PTPRN2: variants seen among roughly 807,000 people sequenced by gnomAD.
The protein encoded by PTPRN2 is protein tyrosine phosphatase receptor type N2.
PTPRN2 carries 74 observed loss-of-function variants against 118.8 expected under a neutral mutation model. The observed-to-expected ratio is 0.62, with a 90% CI of 0.52 to 0.76. The LOEUF is 0.76. Among genes scored for constraint, PTPRN2 ranks in the 30% least tolerant of loss-of-function variants. The probability of loss-of-function intolerance (pLI) is 0.00; values close to 1 mark genes in which losing one functional copy is unlikely to be tolerated. For synonymous variants in PTPRN2, 641 were observed against 608.0 expected (o/e 1.05, Z -0.80); for missense variants, 1,481 against 1,394.4 (o/e 1.06, Z -0.99).
At chr7:157,902,188 C>T (rs1341253684) in intron 11 of PTPRN2, among the ~76,000 whole-genome samples, 1 of 152,244 alleles carries the variant, frequency 6.6e-6, no homozygotes, top group Non-Finnish European at 1.5e-5. Flanking sequence ...ACTGGGCCTC[C>T]TGTGAGGCCA....
chr7:157,807,202 A>G (rs1411322959), intron 12 of PTPRN2, among the ~76,000 whole-genome samples: 3 of 152,118 alleles, frequency 2.0e-5, no homozygotes, highest in Non-Finnish European at 4.4e-5. Flanking sequence ...TCCCACAACA[A>G]TGGGGTTTGT....
intron 15 of PTPRN2, among the ~76,000 whole-genome samples, chr7:157,608,138 G>A (rs532660249): frequency 5.3e-5 from 8 of 152,262 alleles, no homozygotes; most frequent in Non-Finnish European, 1.2e-4. Context: ...CACAATATTG[G>A]ATCACTGCAA....
rs1223501630 is a variant in PTPRN2, at chr7:157,881,701, A to AAGT, written c.1788+16969_1788+16971dup. ...AGTCCAAGTGCTTGTCAACAGAAGA[A>AAGT]AGTTACTTCTTAAGAATGTTCTTTT... is the stretch of plus-strand genomic sequence containing the variant. On this transcript the variant is annotated intron_variant, in intron 12 of 22. Coordinates refer to ENST00000389418, the MANE Select transcript of PTPRN2 (RefSeq NM_002847.5). The surrounding 1 kb of genome is among the most constrained non-coding windows in gnomAD (Gnocchi z 4.7). Among the ~76,000 whole-genome samples the AAGT allele has an allele frequency of 6.6e-6, 1 of 152,076 alleles. No individual in the cohort carries two copies. Among genetic ancestry groups the AAGT allele is most frequent in the Non-Finnish European group, 1.5e-5 (1 of 68,038 alleles).
chr7:157,881,038 A>G lies in PTPRN2; in HGVS notation c.1788+17635T>C, dbSNP rs1796079145. Among the ~76,000 whole-genome samples, 1 of 152,214 alleles carries G rather than the reference A, an allele frequency of 6.6e-6. No individual in the cohort carries two copies. Among genetic ancestry groups the G allele is most frequent in the African/African-American group, 2.4e-5 (1 of 41,458 alleles). ...CTTCCGAATGTGACTGTATGTGGAG[A>G]TGGAGTTGTCTATAGGAGTCATTAC... On this transcript the variant is annotated intron_variant, in intron 12 of 22. Coordinates refer to ENST00000389418, the MANE Select transcript of PTPRN2 (RefSeq NM_002847.5). The surrounding 1 kb of genome is among the most constrained non-coding windows in gnomAD (Gnocchi z 4.7).
intron 3 of PTPRN2, among the ~76,000 whole-genome samples, chr7:158,259,499 G>A (rs768644787): frequency 2.6e-5 from 4 of 152,202 alleles, no homozygotes; most frequent in Non-Finnish European, 4.4e-5. Context: ...ACCAAAGACC[G>A]TCGGCACCAA....
intron 2 of PTPRN2, among the ~76,000 whole-genome samples, chr7:158,406,138 G>A (rs1337364616): frequency 2.0e-5 from 2 of 98,902 alleles, no homozygotes; most frequent in Admixed American, 9.3e-5. Context: ...CGTGAGACAC[G>A]TGGCCGCACA....
chr7:157,981,827 C>G (rs952651271), intron 11 of PTPRN2, among the ~76,000 whole-genome samples: 70 of 152,402 alleles, frequency 4.6e-4, no homozygotes, highest in African/African-American at 1.4e-3. Context: ...ATCATATCAG[C>G]CCATTCTTCA....
intron 5 of PTPRN2, among the ~76,000 whole-genome samples, chr7:158,188,714 AG>A (rs1481167069): frequency 1.5e-5 from 2 of 134,010 alleles, no homozygotes; most frequent in Admixed American, 7.5e-5. Flanking sequence ...CGCCCCCTGT[AG>A]GGGGAAGGCC....
intron 11 of PTPRN2, among the ~76,000 whole-genome samples, chr7:158,043,746 T>A (rs936319495): frequency 1.3e-5 from 2 of 152,196 alleles, no homozygotes; most frequent in Non-Finnish European, 2.9e-5. Context: ...GGCACCCAAG[T>A]AAGCAAGCCT....
At chr7:158,173,061 A>G (rs1823859520) in intron 5 of PTPRN2, among the ~76,000 whole-genome samples, 1 of 150,172 alleles carries the variant, frequency 6.7e-6, no homozygotes, top group African/African-American at 2.5e-5. Context: ...ATCATCAACA[A>G]CAGCATCTCC....
intron 11 of PTPRN2, among the ~76,000 whole-genome samples, chr7:158,060,309 C>T (rs1341056611): frequency 7.1e-6 from 1 of 141,696 alleles, no homozygotes; most frequent in Non-Finnish European, 1.5e-5. Context: ...CACGCTCCAT[C>T]TGCACACGGT....
intron 21 of PTPRN2, among the ~76,000 whole-genome samples, chr7:157,549,531 G>C (rs1405488939): frequency 6.6e-6 from 1 of 151,994 alleles, no homozygotes; most frequent in Non-Finnish European, 1.5e-5. Context: ...TTTGGGACTG[G>C]GTAAAGGTGC....
intron 11 of PTPRN2, among the ~76,000 whole-genome samples, chr7:157,939,500 G>A (rs2128788977): frequency 6.6e-6 from 1 of 152,388 alleles, no homozygotes; most frequent in Non-Finnish European, 1.5e-5. Flanking sequence ...TGTGGGTGGA[G>A]CTCACCAAGT....
chr7:158,473,320 A>T (rs1043452818), intron 2 of PTPRN2, among the ~76,000 whole-genome samples: 1 of 152,228 alleles, frequency 6.6e-6, no homozygotes, highest in Non-Finnish European at 1.5e-5. Flanking sequence ...CATATGTGAG[A>T]ACCCTTGAAG....
chr7:158,172,600 A>T (rs993984659), intron 5 of PTPRN2, among the ~76,000 whole-genome samples: 1 of 149,396 alleles, frequency 6.7e-6, no homozygotes, highest in African/African-American at 2.5e-5. Flanking sequence ...TCCACCATCA[A>T]CAACAGCATC....
chr7:158,113,912 C>A (rs1400061714), intron 9 of PTPRN2, among the ~76,000 whole-genome samples: 2 of 152,184 alleles, frequency 1.3e-5, no homozygotes, highest in African/African-American at 2.4e-5. Context: ...AGCTCAGGGG[C>A]TGAGCCTGTC....
chr7:158,582,254 TC>T (rs1828664351), intron 1 of PTPRN2, among the ~76,000 whole-genome samples: 1 of 152,234 alleles, frequency 6.6e-6, no homozygotes, highest in Admixed American at 6.5e-5. Context: ...TGGAGGGTTA[TC>T]TGCCATGAAT....
At chr7:158,480,069 T>C (rs1410566860) in intron 2 of PTPRN2, among the ~76,000 whole-genome samples, 2 of 152,170 alleles carry the variant, frequency 1.3e-5, no homozygotes, top group Non-Finnish European at 2.9e-5. Context: ...TGATCAAACC[T>C]AAATAAAGAG....
At chr7:158,068,078 T>C (rs1369383990) in intron 11 of PTPRN2, among the ~76,000 whole-genome samples, 1 of 152,134 alleles carries the variant, frequency 6.6e-6, no homozygotes, top group Non-Finnish European at 1.5e-5. Flanking sequence ...GGAGGAGAGC[T>C]GAGCCAGGGT....
Sources: gnomAD v4.1 joint callset for allele counts (sites outside exome capture counted in the v4.1 genomes callset) on GRCh38, gnomAD v4.1.1 for gene constraint, Gnocchi (gnomAD v3.1) non-coding constraint, MANE v1.5 for transcripts, NCBI Gene and HGNC (gene_info 2026-07-23, HGNC 2026-07-21) for gene names.